The following TTC7B variants were observed in gnomAD, a reference collection of about 807,000 sequenced individuals.
The protein encoded by TTC7B is tetratricopeptide repeat domain 7B, also known as tetratricopeptide repeat protein 7B.
In TTC7B, 28 loss-of-function variants were observed where a neutral mutation model predicts 106.8. That is an observed-to-expected ratio of 0.26 (90% CI 0.19 to 0.36). TTC7B has a LOEUF of 0.36. TTC7B is among the 10% of genes least tolerant of loss of function. The pLI, the probability that TTC7B is intolerant of heterozygous loss-of-function variation, is 1.00. For synonymous variants in TTC7B, 405 were observed against 430.6 expected, an observed-to-expected ratio of 0.94 and a Z score of 0.74; for missense variants, 862 against 1,076.4, an observed-to-expected ratio of 0.80 and a Z score of 2.79.
rs376566185 is a variant in TTC7B at position 90,542,130 on chromosome 14, A to G, written c.2311-541T>C. 1.3e-3 allele frequency among the ~76,000 whole-genome samples: 203 copies of G among 152,212 alleles called. 2 individuals are homozygous for G. Among genetic ancestry groups the G allele is most frequent in the African/African-American group, 4.2e-3 (176 of 41,558 alleles). On this transcript the variant is annotated intron_variant, in intron 19 of 19. Coordinates refer to ENST00000328459, the MANE Select transcript of TTC7B (RefSeq NM_001010854.2). ...AATTTTTTGTATTTTTAGTAGAGAC[A>G]GGGTTTCACCATGTTAGCCAGGATG...
At chr14:90,618,426 T>C (rs1893177084) in intron 15 of TTC7B, among the ~76,000 whole-genome samples, 1 of 152,228 alleles carries the variant, frequency 6.6e-6, no homozygotes, top group Non-Finnish European at 1.5e-5. Context: ...ACACAGGAGA[T>C]TTGACTCAGT....
At chr14:90,695,129 T>C (rs1431318436) in intron 6 of TTC7B, among the ~76,000 whole-genome samples, 2 of 138,326 alleles carry the variant, frequency 1.4e-5, no homozygotes, top group African/African-American at 5.5e-5. Flanking sequence ...GTATATTTTA[T>C]ATACATTTTA....
chr14:90,804,693 G>A (rs1011191677), intron 1 of TTC7B, among the ~76,000 whole-genome samples: 2 of 152,226 alleles, frequency 1.3e-5, no homozygotes, highest in Non-Finnish European at 2.9e-5. Context: ...TGGCCTGGTA[G>A]GCAGCATTTA....
Position 90,575,983 on chromosome 14 carries a change from C to T in TTC7B, c.2310+2123G>A, listed in dbSNP as rs375551616. ...AGGCGGGGCTCACCATGGCCCTAGT[C>T]TCACTCACCAGCTCCCTCGTGCTGG... is the stretch of plus-strand genomic sequence containing the variant. On this transcript the variant is annotated intron_variant, in intron 19 of 19. Transcript: ENST00000328459. This position sits in a 1 kb window ranked among gnomAD's most constrained non-coding sequence, Gnocchi z 5.2. Among the ~76,000 whole-genome samples the T allele has an allele frequency of 2.6e-4, 40 of 152,172 alleles. No homozygotes were observed. In the South Asian group the frequency reaches 4.4e-3, roughly 17 times the overall value.
intron 17 of TTC7B, 22 bp downstream of exon 17, chr14:90,610,720 C>T: frequency 1.3e-6 from 2 of 1,551,604 alleles, no homozygotes; most frequent in Non-Finnish European, 1.8e-6. Context: ...CCATTTCGTC[C>T]CCTCTGGCTT....
chr14:90,726,913 C>T (rs749610983), intron 5 of TTC7B, among the ~76,000 whole-genome samples: 1 of 152,018 alleles, frequency 6.6e-6, no homozygotes, highest in Admixed American at 6.6e-5. Context: ...CAAGTCAGAC[C>T]GCGCCCAGAG....
rs1284974746 is a variant in TTC7B at position 90,610,453 on chromosome 14, G to A, written c.1966+289C>T. On this transcript the variant is annotated intron_variant, in intron 17 of 19. Coordinates refer to ENST00000328459, the MANE Select transcript of TTC7B (RefSeq NM_001010854.2). The stretch of plus-strand genomic sequence containing the variant: ...ACACAGGGAAGCAGAGGGGAAACCT[G>A]ATGGGGACAGAAACCACCTCATTTT... Among the ~76,000 whole-genome samples, 3 of 152,356 alleles carry A rather than the reference G, an allele frequency of 2.0e-5. No homozygotes were observed. The East Asian group carries it at 5.8e-4, about 29-fold the overall frequency.
At chr14:90,736,734 T>C (rs886152253) in intron 4 of TTC7B, among the ~76,000 whole-genome samples, 2 of 151,318 alleles carry the variant, frequency 1.3e-5, no homozygotes, top group African/African-American at 2.4e-5. Flanking sequence ...AATTTAAAAA[T>C]AGGCCGGGCA....
At chr14:90,601,427 T>C (rs1231592591) in intron 17 of TTC7B, among the ~76,000 whole-genome samples, 1 of 152,228 alleles carries the variant, frequency 6.6e-6, no homozygotes, top group African/African-American at 2.4e-5. Context: ...TGAATTCCTT[T>C]CTCACTCTTA....
chr14:90,595,891 C>T (rs1363106090), intron 17 of TTC7B, among the ~76,000 whole-genome samples: 1 of 151,992 alleles, frequency 6.6e-6, no homozygotes, highest in Non-Finnish European at 1.5e-5. Flanking sequence ...AATATTTGGT[C>T]AAAAAAAGCC....
At chr14:90,655,144 C>T (rs1885893792) in intron 11 of TTC7B, 34 bp from the exon 12 acceptor site, 2 of 1,524,586 alleles carry the variant, frequency 1.3e-6, no homozygotes, top group Non-Finnish European at 1.8e-6. Flanking sequence ...ACAACAACAA[C>T]CTGCAGAATT....
intron 15 of TTC7B, among the ~76,000 whole-genome samples, chr14:90,641,868 T>C (rs866201699): frequency 6.6e-6 from 1 of 152,096 alleles, no homozygotes; most frequent in Non-Finnish European, 1.5e-5. Context: ...GATGACACCC[T>C]AGGCTATGGA....
chr14:90,772,032 C>A (rs919774328), intron 3 of TTC7B, among the ~76,000 whole-genome samples: 1 of 145,120 alleles, frequency 6.9e-6, no homozygotes, highest in African/African-American at 2.5e-5. Flanking sequence ...ATATATATTT[C>A]TTTATTTTCC....
intron 4 of TTC7B, among the ~76,000 whole-genome samples, chr14:90,737,747 C>T (rs911605912): frequency 4.6e-5 from 7 of 151,848 alleles, no homozygotes; most frequent in South Asian, 2.1e-4. Flanking sequence ...TTAGTAGAGA[C>T]GGGGTTTCAC....
At chr14:90,563,562 G>T (rs1014171524) in intron 19 of TTC7B, among the ~76,000 whole-genome samples, 1 of 152,198 alleles carries the variant, frequency 6.6e-6, no homozygotes, top group Admixed American at 6.5e-5. Context: ...ATGCTGGAAG[G>T]TGAGGCCCTG....
rs1891009288 is a variant in TTC7B, at chr14:90,570,921, C to T, written c.2310+7185G>A. Among the ~76,000 whole-genome samples, 1 of 152,186 alleles carries T rather than the reference C, an allele frequency of 6.6e-6. No homozygotes were observed. The highest frequency in any genetic ancestry group is 2.1e-4 in the South Asian group (1 of 4,832). ...GGTACGCAGTTAGTAAGCGACACAG[C>T]TGGGACTGGAACCCAGGCAGCTGGC... On this transcript the variant is annotated intron_variant, in intron 19 of 19. Transcript: ENST00000328459. The surrounding 1 kb of genome is among the most constrained non-coding windows in gnomAD (Gnocchi z 4.0).
intron 11 of TTC7B, among the ~76,000 whole-genome samples, chr14:90,656,915 T>G (rs922745353): frequency 1.3e-5 from 2 of 152,198 alleles, no homozygotes; most frequent in Admixed American, 6.5e-5. Context: ...TAATTCTGTC[T>G]TATTATCATT....
intron 3 of TTC7B, among the ~76,000 whole-genome samples, chr14:90,778,060 G>A (rs1595366676): frequency 6.6e-6 from 1 of 152,088 alleles, no homozygotes; most frequent in East Asian, 1.9e-4. Context: ...CAGATGGTCA[G>A]GGCCGATGCT....
chr14:90,792,615 G>A (rs1161947503), intron 1 of TTC7B, among the ~76,000 whole-genome samples: 1 of 152,014 alleles, frequency 6.6e-6, no homozygotes, highest in Non-Finnish European at 1.5e-5. Flanking sequence ...GGGAGAGCAC[G>A]GTGCAGGAAA....
Sources: allele counts gnomAD v4.1 joint callset (sites outside exome capture counted in the v4.1 genomes callset), GRCh38; gene constraint gnomAD v4.1.1; non-coding constraint Gnocchi (gnomAD v3.1); transcripts MANE v1.5; gene names NCBI Gene and HGNC (gene_info 2026-07-23, HGNC 2026-07-21).